Variants in PEBP4 observed in about 807,000 individuals in gnomAD.
PEBP4 encodes phosphatidylethanolamine-binding protein 4.
PEBP4 carries 22 observed loss-of-function variants against 23.9 expected under a neutral mutation model. The observed-to-expected ratio is 0.92, with a 90% CI of 0.66 to 1.31. The LOEUF (loss-of-function observed/expected upper bound fraction) is 1.31. Ranked by LOEUF, PEBP4 falls within the 40% of genes most tolerant of loss-of-function variation. PEBP4 has a pLI of 0.00. For missense variants in PEBP4, 324 were observed against 281.7 expected, an observed-to-expected ratio of 1.15 and a Z score of -1.07; for synonymous variants, 112 against 99.3, an observed-to-expected ratio of 1.13 and a Z score of -0.76.
chr8:22,908,386 AAACAAAC>A (rs1222554215), intron 3 of PEBP4, among the ~76,000 whole-genome samples: 11 of 143,856 alleles, frequency 7.6e-5, no homozygotes, highest in Non-Finnish European at 1.4e-4. Flanking sequence ...ACAAACAAAC[AAACAAAC>A]AAAAAAAAAA....
chr8:22,928,169 G>C (rs565426525), upstream of PEBP4, among the ~76,000 whole-genome samples: 85 of 152,348 alleles, frequency 5.6e-4, no homozygotes, highest in African/African-American at 2.0e-3. Flanking sequence ...CCCAGGCTCA[G>C]GGCTAGGAGT....
intron 5 of PEBP4, 30 bp from the exon 6 acceptor site, chr8:22,724,986 A>C: frequency 1.9e-6 from 3 of 1,561,922 alleles, no homozygotes; most frequent in Non-Finnish European, 2.6e-6. Context: ...AGAGGTGAGC[A>C]TCAACATCCC....
intron 3 of PEBP4, among the ~76,000 whole-genome samples, chr8:22,860,873 A>G (rs767793216): frequency 1.3e-5 from 2 of 152,196 alleles, no homozygotes; most frequent in Non-Finnish European, 2.9e-5. Context: ...CTGACTGTCC[A>G]TGTTCATGAC....
intron 3 of PEBP4, among the ~76,000 whole-genome samples, chr8:22,876,040 A>G (rs979253994): frequency 1.7e-4 from 10 of 59,424 alleles, no homozygotes; most frequent in African/African-American, 7.6e-4. Flanking sequence ...CACTGGAGTA[A>G]GCTGGGATTA....
At chr8:22,848,475 G>T (rs1234382040) in intron 3 of PEBP4, among the ~76,000 whole-genome samples, 2 of 119,206 alleles carry the variant, frequency 1.7e-5, no homozygotes, top group Non-Finnish European at 1.7e-5. Flanking sequence ...CAGAGAAGGG[G>T]AAGTTGTGTG....
intron 6 of PEBP4, among the ~76,000 whole-genome samples, chr8:22,720,648 G>C (rs1804498628): frequency 6.6e-6 from 1 of 152,202 alleles, no homozygotes; most frequent in African/African-American, 2.4e-5. Flanking sequence ...TTTGGGACAA[G>C]CGTCACATAG....
chr8:22,728,559 T>C (rs6987015), intron 4 of PEBP4, among the ~76,000 whole-genome samples: 1,607 of 96,174 alleles, frequency 0.017, 39 homozygotes, highest in African/African-American at 0.053. Flanking sequence ...TTTCTTTCTT[T>C]CTTCCTTCCT....
intron 4 of PEBP4, among the ~76,000 whole-genome samples, chr8:22,767,661 T>A (rs1285911778): frequency 6.6e-6 from 1 of 152,074 alleles, no homozygotes; most frequent in Non-Finnish European, 1.5e-5. Flanking sequence ...GTTGGAAATA[T>A]TTGCTATCTT....
In PEBP4 at chr8:22,890,139, C is replaced by T. The variant is rs111315471; in HGVS notation, c.258+30045G>A. On this transcript the variant is annotated intron_variant, in intron 3 of 6. Transcript: ENST00000256404. ...GAGATAGGTGATGGAGAAGAGGTAG[C>T]TTCCTCCCCTGGGGACTCAGCAACA... is the stretch of plus-strand genomic sequence containing the variant. 3.6e-3 allele frequency among the ~76,000 whole-genome samples: 546 copies of T among 152,294 alleles called. 2 individuals are homozygous for T. Among genetic ancestry groups the T allele is most frequent in the African/African-American group, 0.012 (512 of 41,560 alleles).
chr8:22,745,702 G>A (rs1270778695), intron 4 of PEBP4: 1 of 152,258 alleles, frequency 6.6e-6, no homozygotes, highest in Non-Finnish European at 1.5e-5. Flanking sequence ...TGAGAGCAAG[G>A]TGAGAGGATC....
At chr8:22,757,422 C>T (rs1563206519) in intron 4 of PEBP4, 1 of 152,450 alleles carries the variant, frequency 6.6e-6, no homozygotes, top group African/African-American at 2.4e-5. Flanking sequence ...GATAATACTA[C>T]CTTGTACTCC....
At chr8:22,841,965 G>A (rs967191971) in intron 3 of PEBP4, among the ~76,000 whole-genome samples, 1 of 152,234 alleles carries the variant, frequency 6.6e-6, no homozygotes, top group African/African-American at 2.4e-5. Context: ...TAAGAAACGG[G>A]CAAGAGAGAG....
intron 3 of PEBP4, among the ~76,000 whole-genome samples, chr8:22,828,912 TC>T (rs1807028213): frequency 6.6e-6 from 1 of 151,926 alleles, no homozygotes; most frequent in South Asian, 2.1e-4. Flanking sequence ...CTGCTTGTCA[TC>T]CCCCAAACGG....
chr8:22,919,840 T>C (rs1809161045), intron 3 of PEBP4, among the ~76,000 whole-genome samples: 1 of 152,178 alleles, frequency 6.6e-6, no homozygotes, highest in African/African-American at 2.4e-5. Flanking sequence ...CTTCCACTTA[T>C]CTGCCAACTC....
chr8:22,835,089 C>T (rs921694489), intron 3 of PEBP4, among the ~76,000 whole-genome samples: 3 of 152,142 alleles, frequency 2.0e-5, no homozygotes, highest in South Asian at 2.1e-4. Context: ...TTCGAGTAAA[C>T]GAGTAAATGC....
At chr8:22,873,075 T>C (rs534464094) in intron 3 of PEBP4, among the ~76,000 whole-genome samples, 2 of 152,266 alleles carry the variant, frequency 1.3e-5, no homozygotes, top group East Asian at 3.9e-4. Flanking sequence ...AATTACAGCC[T>C]AAACTGAGTA....
chr8:22,836,511 GC>G (rs2128764908), intron 3 of PEBP4, among the ~76,000 whole-genome samples: 1 of 152,348 alleles, frequency 6.6e-6, no homozygotes, highest in South Asian at 2.1e-4. Context: ...CGAATCAAGT[GC>G]CTTCTGCCAC....
intron 3 of PEBP4, among the ~76,000 whole-genome samples, chr8:22,873,765 A>G (rs1327796137): frequency 2.0e-5 from 3 of 152,180 alleles, no homozygotes; most frequent in Non-Finnish European, 2.9e-5. Context: ...ACTCATTTTT[A>G]TTCCTGGGGA....
At chr8:22,843,818 C>T (rs927524465) in intron 3 of PEBP4, among the ~76,000 whole-genome samples, 13 of 152,142 alleles carry the variant, frequency 8.5e-5, no homozygotes, top group African/African-American at 1.4e-4. Context: ...AGGGTGAAGA[C>T]GATGAAAGAG....
Sources: gnomAD v4.1 joint callset for allele counts (sites outside exome capture counted in the v4.1 genomes callset) on GRCh38, gnomAD v4.1.1 for gene constraint, MANE v1.5 for transcripts, NCBI Gene and HGNC (gene_info 2026-07-23, HGNC 2026-07-21) for gene names.